HPSE2: variants seen among roughly 807,000 people sequenced by gnomAD.
HPSE2 encodes heparanase 2 (inactive).
A neutral mutation model predicts 60.5 loss-of-function variants in HPSE2; 38 were observed. The ratio of observed to expected loss-of-function variants is 0.63; its 90% confidence interval spans 0.48 to 0.82. The LOEUF (loss-of-function observed/expected upper bound fraction) is 0.82. Ranked by LOEUF, HPSE2 falls within the 40% of genes least tolerant of loss-of-function variation. The pLI, the probability that HPSE2 is intolerant of heterozygous loss-of-function variation, is 0.00. For synonymous variants in HPSE2, 295 were observed against 293.2 expected, an observed-to-expected ratio of 1.01 and a Z score of -0.06; for missense variants, 713 against 740.4, an observed-to-expected ratio of 0.96 and a Z score of 0.43.
At chr10:98,982,167 A>C (rs1015990253) in intron 3 of HPSE2, among the ~76,000 whole-genome samples, 2 of 152,194 alleles carry the variant, frequency 1.3e-5, no homozygotes, top group Non-Finnish European at 2.9e-5. Flanking sequence ...ATCACCTGTC[A>C]GAAAAACAAA....
At chr10:99,072,391 AATCT>A (rs978436194) in intron 3 of HPSE2, among the ~76,000 whole-genome samples, 3 of 152,200 alleles carry the variant, frequency 2.0e-5, no homozygotes, top group African/African-American at 7.2e-5. Flanking sequence ...AAAATTTTCC[AATCT>A]ATCTATCTGA....
chr10:98,590,142 G>A lies in HPSE2; in HGVS notation c.1320+24762C>T, dbSNP rs111535711. Among the ~76,000 whole-genome samples the A allele has an allele frequency of 4.3e-3, 648 of 152,340 alleles. 3 individuals are homozygous for A. The highest frequency in any genetic ancestry group is 0.015 in the African/African-American group (625 of 41,576). On this transcript the variant is annotated intron_variant, in intron 9 of 11. Transcript: ENST00000370552. ...TCTAACACCAACCCCCAAAGCCTTA[G>A]TCATAAAAGATAACTTTCGCCCAGG...
chr10:98,542,929 C>T (rs1370447255), intron 9 of HPSE2, among the ~76,000 whole-genome samples: 1 of 152,052 alleles, frequency 6.6e-6, no homozygotes, highest in South Asian at 2.1e-4. Context: ...GGAGAACTTC[C>T]CCAATCTAGC....
intron 6 of HPSE2, among the ~76,000 whole-genome samples, chr10:98,672,434 G>A (rs1947530712): frequency 6.6e-6 from 1 of 152,156 alleles, no homozygotes; most frequent in African/African-American, 2.4e-5. Flanking sequence ...GTTTATGTTT[G>A]CTTTTATGCT....
At chr10:98,806,240 A>G (rs1265119323) in intron 3 of HPSE2, among the ~76,000 whole-genome samples, 1 of 152,192 alleles carries the variant, frequency 6.6e-6, no homozygotes. Context: ...GAAATGAAAA[A>G]CCAAGACTTT....
At chr10:99,079,322 G>A (rs1843052806) in intron 3 of HPSE2, among the ~76,000 whole-genome samples, 1 of 152,068 alleles carries the variant, frequency 6.6e-6, no homozygotes, top group Non-Finnish European at 1.5e-5. Flanking sequence ...GTAGAGCCAG[G>A]GGAAGGAGCT....
chr10:99,003,511 G>T (rs1449994597), intron 3 of HPSE2, among the ~76,000 whole-genome samples: 1 of 152,018 alleles, frequency 6.6e-6, no homozygotes, highest in Non-Finnish European at 1.5e-5. Flanking sequence ...AGTTATCTTT[G>T]GTCTTTTTGA....
the HPSE2 span, among the ~76,000 whole-genome samples, chr10:99,259,168 T>C: frequency 7.9e-5 from 12 of 151,942 alleles, no homozygotes; most frequent in African/African-American, 2.4e-4. Flanking sequence ...TAACCAGGCA[T>C]GATGGCACAT....
Position 98,951,440 on chromosome 10 carries a change from A to T in HPSE2, c.610+192798T>A, listed in dbSNP as rs564029279. Among the ~76,000 whole-genome samples the T allele has an allele frequency of 4.6e-4, 70 of 152,296 alleles. 1 individual carries two copies. The highest frequency in any genetic ancestry group is 1.5e-3 in the African/African-American group (63 of 41,578). ...AGGAAGTGTCCCTCCTTTGCATGCA[A>T]GAAAAGGGTCTGCTTTGGAGAAGCA... On this transcript the variant is annotated intron_variant, in intron 3 of 11. Transcript: ENST00000370552.
chr10:98,717,812 T>C (rs149644797), intron 5 of HPSE2, among the ~76,000 whole-genome samples: 11 of 152,254 alleles, frequency 7.2e-5, no homozygotes, highest in African/African-American at 2.4e-4. Flanking sequence ...AGTGAGGTAC[T>C]ACAAACCTTC....
In HPSE2 at chr10:99,186,104, C is replaced by CCACACACACACA. The variant is rs527839752; in HGVS notation, c.449-41717_449-41706dup. Among the ~76,000 whole-genome samples the CCACACACACACA allele has an allele frequency of 7.8e-3, 631 of 80,726 alleles. 10 individuals carry two copies. The highest frequency in any genetic ancestry group is 0.013 in the Non-Finnish European group (449 of 34,692). The allele number at this position is 80,726 out of a possible 152,430, so 53.0% of individuals were successfully genotyped here. A position where few individuals can be genotyped will look rare whatever the true frequency, so the allele number is the denominator to read the frequency against. Reference sequence around the variant, plus strand: ...TGATAACACTAAGCAGGATAAATAACCACACACACACACACACACACACAC... The same window carrying CCACACACACACA: ...TGATAACACTAAGCAGGATAAATAACCACACACACACACACACACACACACACACACACACAC... On this transcript the variant is annotated intron_variant, in intron 2 of 11. Transcript: ENST00000370552.
intron 2 of HPSE2, among the ~76,000 whole-genome samples, chr10:99,184,671 T>C (rs934711936): frequency 1.4e-5 from 2 of 147,362 alleles, no homozygotes; most frequent in Non-Finnish European, 3.0e-5. Flanking sequence ...GTTGAGTTTC[T>C]AAAAATAAAT....
At chr10:99,031,287 A>T (rs1957492831) in intron 3 of HPSE2, among the ~76,000 whole-genome samples, 3 of 152,156 alleles carry the variant, frequency 2.0e-5, no homozygotes, top group African/African-American at 7.2e-5. Flanking sequence ...CACAAAATTT[A>T]AAATTAAAAA....
At chr10:98,728,181 TA>T (rs1328690864) in intron 4 of HPSE2, among the ~76,000 whole-genome samples, 1 of 152,198 alleles carries the variant, frequency 6.6e-6, no homozygotes, top group African/African-American at 2.4e-5. Flanking sequence ...TTTCTTCTCT[TA>T]ACTGATTTAA....
At chr10:98,584,524 C>T (rs952668218) in intron 9 of HPSE2, among the ~76,000 whole-genome samples, 2 of 152,124 alleles carry the variant, frequency 1.3e-5, no homozygotes, top group African/African-American at 4.8e-5. Context: ...TCCATCAACC[C>T]CTCAACAGAA....
chr10:98,651,826 G>T (rs901587541), intron 6 of HPSE2, among the ~76,000 whole-genome samples: 4 of 150,976 alleles, frequency 2.6e-5, no homozygotes, highest in Non-Finnish European at 5.9e-5. Context: ...AGGCTGGAGT[G>T]CAGTGGTGTG....
intron 2 of HPSE2, among the ~76,000 whole-genome samples, chr10:99,162,351 G>A (rs1195900971): frequency 6.6e-6 from 1 of 152,154 alleles, no homozygotes; most frequent in African/African-American, 2.4e-5. Context: ...CTGCTTCTCT[G>A]CAGATTATAT....
chr10:98,868,451 T>C (rs1213969586), intron 3 of HPSE2, among the ~76,000 whole-genome samples: 1 of 151,872 alleles, frequency 6.6e-6, no homozygotes, highest in African/African-American at 2.4e-5. Context: ...CACAACAGGG[T>C]TCTGTAGTCA....
At chr10:98,597,755 G>C (rs1002076006) in intron 9 of HPSE2, among the ~76,000 whole-genome samples, 7 of 151,308 alleles carry the variant, frequency 4.6e-5, no homozygotes, top group Non-Finnish European at 1.0e-4. Flanking sequence ...GCAGGCATTT[G>C]AGGTCAGGAG....
Sources: gnomAD v4.1 joint callset for allele counts (sites outside exome capture counted in the v4.1 genomes callset) on GRCh38, gnomAD v4.1.1 for gene constraint, MANE v1.5 for transcripts, NCBI Gene and HGNC (gene_info 2026-07-23, HGNC 2026-07-21) for gene names.